Variants in ELF2 observed in about 807,000 individuals in gnomAD.
ELF2 encodes the protein ETS-related transcription factor Elf-2.
In ELF2, 11 loss-of-function variants were observed where a neutral mutation model predicts 54.8. The observed-to-expected ratio is 0.20, with a 90% CI of 0.13 to 0.33. The LOEUF (loss-of-function observed/expected upper bound fraction) is 0.33. Ranked by LOEUF, ELF2 falls within the 10% of genes least tolerant of loss-of-function variation. ELF2 has a pLI of 1.00. For synonymous variants in ELF2, 203 were observed against 245.1 expected (o/e 0.83, Z 1.61); for missense variants, 513 against 703.0 (o/e 0.73, Z 3.06).
At position 139,058,997 on chromosome 4, in the gene ELF2, T is replaced by C. The variant is rs2148655628; in HGVS notation, c.1768A>G (p.Thr590Ala). The stretch of plus-strand genomic sequence containing the variant: ...GAGCTGCTATTTTATTTCTCACATG[T>C]CACTAGTCCTTCTGTTTTCATAGTT... ...PVTMKTEGLVTCEK is the reference protein window; with the variant it reads ...PVTMKTEGLVACEK Residue 590 changes from threonine (T) to alanine (A), a missense_variant, in exon 10 of 10, where the codon ACA becomes GCA. Coordinates refer to ENST00000686138, the MANE Select transcript of ELF2 (RefSeq NM_001331036.3). 4.3e-6 allele frequency: 7 copies of C among 1,610,710 alleles called. No homozygotes were observed. The East Asian group carries it at 1.6e-4, about 36-fold the overall frequency.
Position 139,116,363 on chromosome 4 carries a change from C to CA in ELF2, c.238+8800dup, listed in dbSNP as rs200960725. 5.9e-3 allele frequency among the ~76,000 whole-genome samples: 775 copies of CA among 130,254 alleles called. 7 individuals carry two copies. Among genetic ancestry groups the CA allele is most frequent in the East Asian group, 0.033 (153 of 4,568 alleles). 85.5% of individuals were successfully genotyped at this position (130,254 alleles called of 152,430 possible). A position where few individuals can be genotyped will look rare whatever the true frequency, so the allele number is the denominator to read the frequency against. ...TTAGAAGCAAAACCAACAGAAATGA[C>CA]AAAAAAAAAAAATGACTTAAAGACG... On this transcript the variant is annotated intron_variant, in intron 4 of 9. Transcript: ENST00000686138.
intron 6 of ELF2, among the ~76,000 whole-genome samples, chr4:139,069,178 G>T (rs1729159261): frequency 6.6e-6 from 1 of 151,960 alleles, no homozygotes; most frequent in African/African-American, 2.4e-5. Flanking sequence ...CATATTTTAG[G>T]ATCAAATATA....
At chr4:139,081,606 ACC>A in intron 4 of ELF2, among the ~76,000 whole-genome samples, 1 of 152,314 alleles carries the variant, frequency 6.6e-6, no homozygotes, top group East Asian at 1.9e-4. Flanking sequence ...TCTCTGTCAC[ACC>A]TGATGACCTC....
intron 4 of ELF2, among the ~76,000 whole-genome samples, chr4:139,105,626 T>G (rs1734337203): frequency 6.6e-6 from 1 of 152,206 alleles, no homozygotes; most frequent in African/African-American, 2.4e-5. Context: ...GGCTCATGCC[T>G]GTAATCTCAG....
rs745721549 is a variant in ELF2 at position 139,059,185 on chromosome 4, C to T, written c.1580G>A (p.Ser527Asn). 1.9e-5 allele frequency: 31 copies of T among 1,613,814 alleles called. No homozygotes were observed. In the South Asian group the frequency reaches 3.3e-4, roughly 17 times the overall value. Residue 527 changes from serine to asparagine, a missense_variant, in exon 10 of 10, where the codon AGT becomes AAT. By Grantham distance (46) the Ser-to-Asn change is conservative (BLOSUM62 1). Around this residue, in one of 3 missense-constraint regions of ELF2, gnomAD observed 291 missense variants for 366.1 expected, o/e 0.79. Coordinates refer to ENST00000686138, the MANE Select transcript of ELF2 (RefSeq NM_001331036.3). ...AACCTCTGGCCCCTTTATGACTGCA[C>T]TGATAACTCGAGGAGGAGTCTGGCC... ...ASGQTPPRVI[S>N]AVIKGPEVKS...
At chr4:139,151,052 G>GAAAGAA (rs1553971344) in intron 1 of ELF2, among the ~76,000 whole-genome samples, 1 of 79,332 alleles carries the variant, frequency 1.3e-5, no homozygotes, top group Admixed American at 1.6e-4. Flanking sequence ...AAGAAAGAAA[G>GAAAGAA]AAAGAAAGAA....
intron 4 of ELF2, among the ~76,000 whole-genome samples, chr4:139,091,172 C>A (rs758303533): frequency 2.4e-4 from 37 of 152,292 alleles, no homozygotes; most frequent in Middle Eastern, 3.4e-3. Context: ...CCTCGTGATC[C>A]GCCTGGCTCG....
intron 4 of ELF2, among the ~76,000 whole-genome samples, chr4:139,077,089 A>G (rs1177899334): frequency 1.3e-5 from 2 of 152,172 alleles, no homozygotes; most frequent in Non-Finnish European, 2.9e-5. Flanking sequence ...AACCTGACAC[A>G]AGTGTGAACA....
intron 6 of ELF2, among the ~76,000 whole-genome samples, chr4:139,071,206 A>C (rs980599670): frequency 6.6e-6 from 1 of 152,118 alleles, no homozygotes; most frequent in Admixed American, 6.5e-5. Flanking sequence ...TCAAAGCAGA[A>C]GGTATAAGGT....
intron 4 of ELF2, among the ~76,000 whole-genome samples, chr4:139,092,424 A>AACAT (rs1732756025): frequency 1.7e-5 from 2 of 116,776 alleles, no homozygotes; most frequent in African/African-American, 6.3e-5. Context: ...TACATAACAT[A>AACAT]ACATAACATA....
chr4:139,112,460 G>A (rs1735052617), intron 4 of ELF2, among the ~76,000 whole-genome samples: 2 of 152,236 alleles, frequency 1.3e-5, no homozygotes, highest in African/African-American at 4.8e-5. Flanking sequence ...CTGAGGCTGG[G>A]ACATTGCAGG....
intron 1 of ELF2, among the ~76,000 whole-genome samples, chr4:139,150,889 G>C (rs1207959935): frequency 1.3e-5 from 2 of 151,806 alleles, no homozygotes; most frequent in Non-Finnish European, 2.9e-5. Flanking sequence ...GCCGGGCTTG[G>C]TGGCGGGCGC....
chr4:139,130,582 T>C (rs1049181323), intron 3 of ELF2, among the ~76,000 whole-genome samples: 12 of 152,224 alleles, frequency 7.9e-5, no homozygotes, highest in Non-Finnish European at 2.9e-5. Context: ...CTATCCTACG[T>C]ATTTATAGAA....
At chr4:139,164,058 AAG>A (rs954242157) in intron 1 of ELF2, among the ~76,000 whole-genome samples, 5 of 145,926 alleles carry the variant, frequency 3.4e-5, no homozygotes, top group African/African-American at 1.3e-4. Flanking sequence ...GTGAGAGAGA[AAG>A]AGTGGGGGTG....
chr4:139,168,526 T>C (rs768970382), intron 1 of ELF2, among the ~76,000 whole-genome samples: 1 of 152,138 alleles, frequency 6.6e-6, no homozygotes, highest in Admixed American at 6.6e-5. Flanking sequence ...CCGGCAGACT[T>C]AGCCTGAGAA....
intron 1 of ELF2, among the ~76,000 whole-genome samples, chr4:139,171,049 AC>A (rs1742258664): frequency 6.6e-6 from 1 of 152,042 alleles, no homozygotes; most frequent in Non-Finnish European, 1.5e-5. Flanking sequence ...CCCAGCCCAA[AC>A]AACCCAATTT....
At chr4:139,129,917 A>G (rs181860801) in intron 3 of ELF2, among the ~76,000 whole-genome samples, 83 of 152,054 alleles carry the variant, frequency 5.5e-4, no homozygotes, top group African/African-American at 1.8e-3. Flanking sequence ...ACCCCAACCC[A>G]CCTGTCATGG....
Position 139,121,095 on chromosome 4 carries a change from A to ATTT in ELF2, c.238+4066_238+4068dup, listed in dbSNP as rs10711256. Reference sequence around the variant, plus strand: ...GCTTTGTATTTTGAATATAACACAGATTTTTTTTTTTTTTTTTTTTTTTTT... The same window carrying ATTT: ...GCTTTGTATTTTGAATATAACACAGATTTTTTTTTTTTTTTTTTTTTTTTTTTT... On this transcript the variant is annotated intron_variant, in intron 4 of 9. Transcript: ENST00000686138. 8.1e-4 allele frequency among the ~76,000 whole-genome samples: 53 copies of ATTT among 65,086 alleles called. 5 individuals carry two copies. The highest frequency in any genetic ancestry group is 1.5e-3 in the Admixed American group (8 of 5,246). The allele number at this position is 65,086 out of a possible 152,430, so 42.7% of individuals were successfully genotyped here.
chr4:139,093,058 C>T (rs1361897479), intron 4 of ELF2, among the ~76,000 whole-genome samples: 1 of 151,092 alleles, frequency 6.6e-6, no homozygotes, highest in Non-Finnish European at 1.5e-5. Flanking sequence ...CTCCGCCTCC[C>T]GGGTTCACGC....
Sources: allele counts gnomAD v4.1 joint callset (sites outside exome capture counted in the v4.1 genomes callset), GRCh38; gene constraint gnomAD v4.1.1; regional missense constraint gnomAD v4.1.1; transcripts MANE v1.5; gene names NCBI Gene and HGNC (gene_info 2026-07-23, HGNC 2026-07-21).